The following LRRTM4 variants were observed in gnomAD, a reference collection of about 807,000 sequenced individuals.
The protein encoded by LRRTM4 is leucine-rich repeat transmembrane neuronal protein 4.
In LRRTM4, 25 loss-of-function variants were observed where a neutral mutation model predicts 47.6. That is an observed-to-expected ratio of 0.53 (90% CI 0.38 to 0.73). LRRTM4 has a LOEUF of 0.73. Ranked by LOEUF, LRRTM4 falls within the 30% of genes least tolerant of loss-of-function variation. The pLI, the probability that LRRTM4 is intolerant of heterozygous loss-of-function variation, is 0.00. For synonymous variants in LRRTM4, 311 were observed against 269.5 expected (o/e 1.15, Z -1.51); for missense variants, 638 against 713.4 (o/e 0.89, Z 1.20).
At chr2:77,512,721 A>G (rs1024077559) in intron 3 of LRRTM4, among the ~76,000 whole-genome samples, 1 of 152,188 alleles carries the variant, frequency 6.6e-6, no homozygotes, top group Non-Finnish European at 1.5e-5. Context: ...GGATGATTAC[A>G]TTTTATAAAC....
At chr2:76,824,651 C>G (rs1047268129) in intron 3 of LRRTM4, among the ~76,000 whole-genome samples, 8 of 148,424 alleles carry the variant, frequency 5.4e-5, no homozygotes, top group Non-Finnish European at 1.0e-4. Context: ...ATATATTTGG[C>G]TGTTTGTGGA....
At chr2:77,074,502 C>T (rs1411791486) in intron 3 of LRRTM4, among the ~76,000 whole-genome samples, 2 of 151,934 alleles carry the variant, frequency 1.3e-5, no homozygotes, top group Admixed American at 6.6e-5. Context: ...TATTCAACAC[C>T]CCTGTTATTA....
At chr2:77,414,195 T>C (rs1396534131) in intron 3 of LRRTM4, among the ~76,000 whole-genome samples, 1 of 152,064 alleles carries the variant, frequency 6.6e-6, no homozygotes, top group East Asian at 1.9e-4. Flanking sequence ...TCTTTTCACT[T>C]TTTTTTAACC....
intron 3 of LRRTM4, among the ~76,000 whole-genome samples, chr2:76,956,813 A>C (rs1371948191): frequency 6.6e-6 from 1 of 151,540 alleles, no homozygotes; most frequent in Non-Finnish European, 1.5e-5. Context: ...ACTATGAAAA[A>C]TTTTGTGAAA....
chr2:77,072,800 C>CAAAAAAAAAAAAAAAA (rs373786120), intron 3 of LRRTM4, among the ~76,000 whole-genome samples: 2 of 78,742 alleles, frequency 2.5e-5, no homozygotes, highest in African/African-American at 1.0e-4. Context: ...CTCCGTCTTC[C>CAAAAAAAAAAAAAAAA]AAAAAAAAAA....
At chr2:77,253,514 T>C (rs910812129) in intron 3 of LRRTM4, among the ~76,000 whole-genome samples, 1 of 152,156 alleles carries the variant, frequency 6.6e-6, no homozygotes, top group African/African-American at 2.4e-5. Context: ...TACCCAGTCC[T>C]GCAGTTATTC....
At chr2:76,900,207 C>A (rs1673576213) in intron 3 of LRRTM4, among the ~76,000 whole-genome samples, 1 of 152,010 alleles carries the variant, frequency 6.6e-6, no homozygotes, top group Non-Finnish European at 1.5e-5. Flanking sequence ...GCACTCCAGT[C>A]TAGGTGACAG....
intron 3 of LRRTM4, among the ~76,000 whole-genome samples, chr2:77,128,423 G>GATAGATAGATAGAA (rs1447301308): frequency 1.2e-5 from 1 of 85,986 alleles, no homozygotes; most frequent in Non-Finnish European, 2.4e-5. Context: ...GATAGATAGA[G>GATAGATAGATAGAA]AAATGTCCCA....
At chr2:77,069,018 G>A (rs552067358) in intron 3 of LRRTM4, among the ~76,000 whole-genome samples, 11 of 152,180 alleles carry the variant, frequency 7.2e-5, no homozygotes, top group African/African-American at 2.4e-4. Flanking sequence ...CCATCCCTTC[G>A]TTTCCCATAA....
intron 3 of LRRTM4, among the ~76,000 whole-genome samples, chr2:77,206,114 A>G (rs1338114524): frequency 6.6e-6 from 1 of 151,534 alleles, no homozygotes; most frequent in Non-Finnish European, 1.5e-5. Context: ...AAGTGCTGAG[A>G]TGACAGGCAT....
chr2:77,373,244 T>A lies in LRRTM4; in HGVS notation c.1551+145074A>T, dbSNP rs933342693. On this transcript the variant is annotated intron_variant, in intron 3 of 3. Transcript: ENST00000409884. ...ACTTGTAATAGGGATTTTTGAAGAC[T>A]TTTTATAAACTAAATGGGTAATAAA... Among the ~76,000 whole-genome samples, 3 of 151,352 alleles carry A rather than the reference T, an allele frequency of 2.0e-5. 1 individual carries two copies.
At chr2:77,074,933 G>C (rs925878405) in intron 3 of LRRTM4, among the ~76,000 whole-genome samples, 1 of 152,038 alleles carries the variant, frequency 6.6e-6, no homozygotes, top group African/African-American at 2.4e-5. Context: ...AAGATAACAA[G>C]ATATTTTTTC....
At chr2:76,933,821 T>C (rs1164980827) in intron 3 of LRRTM4, among the ~76,000 whole-genome samples, 1 of 152,148 alleles carries the variant, frequency 6.6e-6, no homozygotes, top group Non-Finnish European at 1.5e-5. Context: ...TCATTAGCCC[T>C]GGAAACACCA....
intron 3 of LRRTM4, among the ~76,000 whole-genome samples, chr2:77,482,847 G>A (rs867304937): frequency 5.3e-5 from 8 of 151,862 alleles, no homozygotes; most frequent in Non-Finnish European, 1.0e-4. Flanking sequence ...TATTGGCCAG[G>A]CGTGGTGGCT....
intron 3 of LRRTM4, among the ~76,000 whole-genome samples, chr2:77,069,441 G>C (rs549660036): frequency 4.7e-4 from 71 of 149,846 alleles, no homozygotes; most frequent in African/African-American, 1.6e-3. Flanking sequence ...GTGTGTGTTT[G>C]TGTGTGTTGG....
At chr2:77,260,750 T>C (rs1024115447) in intron 3 of LRRTM4, among the ~76,000 whole-genome samples, 3 of 152,026 alleles carry the variant, frequency 2.0e-5, no homozygotes, top group Non-Finnish European at 2.9e-5. Context: ...GTTGTTAAAA[T>C]TGTAATTATC....
At chr2:77,187,494 G>A (rs890711222) in intron 3 of LRRTM4, among the ~76,000 whole-genome samples, 1 of 150,728 alleles carries the variant, frequency 6.6e-6, no homozygotes, top group Non-Finnish European at 1.5e-5. Flanking sequence ...GGAGGGAGGA[G>A]GGATAGCATT....
chr2:77,280,760 T>G (rs781270539), intron 3 of LRRTM4, among the ~76,000 whole-genome samples: 10 of 152,048 alleles, frequency 6.6e-5, no homozygotes, highest in Non-Finnish European at 1.3e-4. Flanking sequence ...GTAAAGCATA[T>G]GGCAGTGGCT....
intron 3 of LRRTM4, among the ~76,000 whole-genome samples, chr2:77,353,039 G>A (rs935975706): frequency 1.3e-5 from 2 of 151,882 alleles, no homozygotes; most frequent in Admixed American, 6.6e-5. Context: ...TTATTTTTAA[G>A]TGCCAAAAGT....
Sources: allele counts gnomAD v4.1 joint callset (sites outside exome capture counted in the v4.1 genomes callset), GRCh38; gene constraint gnomAD v4.1.1; transcripts MANE v1.5; gene names NCBI Gene and HGNC (gene_info 2026-07-23, HGNC 2026-07-21).